The following IL21R variants were observed in gnomAD, a reference collection of about 807,000 sequenced individuals.
The protein encoded by IL21R is interleukin-21 receptor.
IL21R carries 14 observed loss-of-function variants against 41.3 expected under a neutral mutation model. That is an observed-to-expected ratio of 0.34 (90% CI 0.22 to 0.53). The LOEUF (loss-of-function observed/expected upper bound fraction) is 0.53, where lower values mean the gene tolerates loss of function less well. Ranked by LOEUF, IL21R falls within the 20% of genes least tolerant of loss-of-function variation. The pLI is 0.94. For synonymous variants in IL21R, 286 were observed against 287.6 expected (o/e 0.99, Z 0.05); for missense variants, 588 against 681.6 (o/e 0.86, Z 1.53).
chr16:27,406,411 G>T (rs989053997), intron 1 of IL21R, among the ~76,000 whole-genome samples: 2 of 151,976 alleles, frequency 1.3e-5, no homozygotes, highest in Admixed American at 6.6e-5. Context: ...GGAGTGGGGG[G>T]TGCGGGTGCT....
In IL21R at chr16:27,408,131, T is replaced by C. The variant is rs1276626136; in HGVS notation, c.-17+5513T>C. Among the ~76,000 whole-genome samples, 4 of 152,184 alleles carry C rather than the reference T, an allele frequency of 2.6e-5. No individual in the cohort carries two copies. The East Asian group carries it at 7.7e-4, about 29-fold the overall frequency. ...GTCCCTGCCTAGATGGTGCCCAGAA[T>C]ATAGATGAAAACACCATGAGCTATG... is the stretch of plus-strand genomic sequence containing the variant. On this transcript the variant is annotated intron_variant, in intron 1 of 8. Coordinates refer to ENST00000337929, the MANE Select transcript of IL21R (RefSeq NM_181078.3).
chr16:27,450,332 C>T lies in IL21R; in HGVS notation c.*1049C>T. 4.3e-6 allele frequency: 1 copy of T among 232,006 alleles called. No homozygotes were observed. The highest frequency in any genetic ancestry group is 8.5e-6 in the Non-Finnish European group (1 of 117,188). The allele number at this position is 232,006 out of a possible 1,614,324, so 14.4% of individuals were successfully genotyped here. On this transcript the variant is annotated 3_prime_UTR_variant, in exon 9 of 9. Transcript: ENST00000337929. The stretch of plus-strand genomic sequence containing the variant: ...ACACCAATTACGTAGCAGGCCATGG[C>T]TCATGGGACCCACCCCCCGTGGCAC...
At chr16:27,407,269 A>G (rs879653276) in intron 1 of IL21R, among the ~76,000 whole-genome samples, 8 of 152,224 alleles carry the variant, frequency 5.3e-5, no homozygotes, top group Non-Finnish European at 1.0e-4. Context: ...CAGTACAGAA[A>G]CAAGTTACAA....
chr16:27,416,413 C>T (rs183087458), intron 1 of IL21R, among the ~76,000 whole-genome samples: 1 of 152,278 alleles, frequency 6.6e-6, no homozygotes, highest in East Asian at 1.9e-4. Flanking sequence ...GCTGGGATTA[C>T]AGGCGTGAAC....
Position 27,430,135 on chromosome 16 carries a change from C to T in IL21R, c.49+15C>T, listed in dbSNP as rs781401558. On this transcript the variant is annotated intron_variant, in intron 2 of 8. Coordinates refer to ENST00000337929, the MANE Select transcript of IL21R (RefSeq NM_181078.3). ...GCTCCAGGGAGGTAAGTGGCTGCCCCGTGGTCTGCGGGTGGGGAGGGCCCC... is the reference window on the plus strand; with the variant it reads ...GCTCCAGGGAGGTAAGTGGCTGCCCTGTGGTCTGCGGGTGGGGAGGGCCCC... 57 of 1,600,736 alleles carry T rather than the reference C, an allele frequency of 3.6e-5. No individual in the cohort carries two copies. The highest frequency in any genetic ancestry group is 2.2e-4 in the Admixed American group (13 of 59,866).
At chr16:27,405,007 GC>G (rs1162268981) in intron 1 of IL21R, among the ~76,000 whole-genome samples, 1 of 151,942 alleles carries the variant, frequency 6.6e-6, no homozygotes, top group Non-Finnish European at 1.5e-5. Context: ...CATGAGAAGT[GC>G]CCGCTATCAT....
At chr16:27,417,416 C>T (rs530909427) in intron 1 of IL21R, among the ~76,000 whole-genome samples, 2 of 152,360 alleles carry the variant, frequency 1.3e-5, no homozygotes, top group East Asian at 1.9e-4. Context: ...ACCCTCCCGC[C>T]TTGGCCTCCC....
chr16:27,436,081 C>A (rs2087264273), intron 3 of IL21R, among the ~76,000 whole-genome samples: 1 of 152,180 alleles, frequency 6.6e-6, no homozygotes, highest in Admixed American at 6.5e-5. Flanking sequence ...CAGGAGCCCG[C>A]AGGGTTGGTC....
chr16:27,407,564 G>A (rs1318464889), intron 1 of IL21R, among the ~76,000 whole-genome samples: 2 of 152,262 alleles, frequency 1.3e-5, no homozygotes, highest in Non-Finnish European at 2.9e-5. Flanking sequence ...GGTGGCTCAT[G>A]CCTGTAATCC....
rs1474059355 is a variant in IL21R, at chr16:27,450,496, A to G, written c.*1213A>G. On this transcript the variant is annotated 3_prime_UTR_variant, in exon 9 of 9. Coordinates refer to ENST00000337929, the MANE Select transcript of IL21R (RefSeq NM_181078.3). ...ATCCTGGAGAATTGAAGGGAGGTCA[A>G]GTTGTTTGTCAATGATTTGTCAGAG... 1 of 228,884 alleles carries G rather than the reference A, an allele frequency of 4.4e-6. No homozygotes were observed. Among genetic ancestry groups the G allele is most frequent in the Non-Finnish European group, 8.7e-6 (1 of 115,280 alleles). The allele number at this position is 228,884 out of a possible 1,614,324, so 14.2% of individuals were successfully genotyped here.
intron 3 of IL21R, among the ~76,000 whole-genome samples, chr16:27,435,857 C>A (rs1384253242): frequency 6.6e-6 from 1 of 152,142 alleles, no homozygotes; most frequent in Non-Finnish European, 1.5e-5. Flanking sequence ...CAACCTCCAC[C>A]TCCTGGGTTC....
chr16:27,420,463 C>A (rs1187320896), intron 1 of IL21R, among the ~76,000 whole-genome samples: 4 of 152,224 alleles, frequency 2.6e-5, no homozygotes, highest in African/African-American at 9.6e-5. Flanking sequence ...CCCTCCGCCC[C>A]CTCATTCACA....
In IL21R at chr16:27,444,963, G is replaced by A. The variant is rs181221670; in HGVS notation, c.686-214G>A. 2.9e-4 allele frequency among the ~76,000 whole-genome samples: 44 copies of A among 152,274 alleles called. No homozygotes were observed. The East Asian group carries it at 7.7e-3, about 27-fold the overall frequency. ...TGGGAATCAGCCCTGTTTTTCAGAC[G>A]AGATAACTTAGGCTCAGAGAAATGA... On this transcript the variant is annotated intron_variant, in intron 6 of 8. Coordinates refer to ENST00000337929, the MANE Select transcript of IL21R (RefSeq NM_181078.3).
chr16:27,406,596 C>G (rs1239231131), intron 1 of IL21R, among the ~76,000 whole-genome samples: 2 of 152,046 alleles, frequency 1.3e-5, no homozygotes, highest in African/African-American at 4.8e-5. Flanking sequence ...AAGGCCCTTC[C>G]TCTCACCTTC....
chr16:27,402,746 G>A (rs1291393045), intron 1 of IL21R, 128 bp downstream of exon 1: 2 of 213,540 alleles, frequency 9.4e-6, no homozygotes, highest in Non-Finnish European at 1.9e-5. Flanking sequence ...TCACAATTGG[G>A]GACACTGAGG....
Position 27,448,945 on chromosome 16 carries a change from T to A in IL21R, c.1279T>A (p.Ser427Thr). The A allele has an allele frequency of 6.2e-7, 1 of 1,613,172 alleles. No individual in the cohort carries two copies. The highest frequency in any genetic ancestry group is 8.5e-7 in the Non-Finnish European group (1 of 1,179,834). The change falls in exon 9 of 9, where the codon TCC becomes ACC. Residue 427 changes from serine to threonine, a missense_variant. Physicochemically the swap from Ser to Thr is moderately conservative, Grantham distance 58. Coordinates refer to ENST00000337929, the MANE Select transcript of IL21R (RefSeq NM_181078.3). ...CTTGGATGCAGGGACCACAGTCCTGTCCTGTGGCTGTGTCTCAGCTGGCAG... is the reference window on the plus strand; with the variant it reads ...CTTGGATGCAGGGACCACAGTCCTGACCTGTGGCTGTGTCTCAGCTGGCAG... ...PLLDAGTTVL[S>T]CGCVSAGSPG...
At chr16:27,406,233 G>A (rs993432410) in intron 1 of IL21R, among the ~76,000 whole-genome samples, 10 of 152,386 alleles carry the variant, frequency 6.6e-5, no homozygotes, top group Admixed American at 6.5e-4. Flanking sequence ...TCGTGGCATA[G>A]TTCAAAGCCT....
At chr16:27,424,714 T>C (rs1384207941) in intron 1 of IL21R, among the ~76,000 whole-genome samples, 1 of 152,148 alleles carries the variant, frequency 6.6e-6, no homozygotes, top group East Asian at 1.9e-4. Context: ...CACTCCTCCG[T>C]AGGAGACTGC....
chr16:27,440,431 CCTGG>C (rs1377131006), intron 4 of IL21R, among the ~76,000 whole-genome samples: 3 of 151,706 alleles, frequency 2.0e-5, no homozygotes, highest in South Asian at 2.1e-4. Context: ...ACATCACCAT[CCTGG>C]CTAATTTTTA....
Sources: allele counts gnomAD v4.1 joint callset (sites outside exome capture counted in the v4.1 genomes callset), GRCh38; gene constraint gnomAD v4.1.1; transcripts MANE v1.5; gene names NCBI Gene and HGNC (gene_info 2026-07-23, HGNC 2026-07-21).